Variants in PHACTR3 observed in about 807,000 individuals in gnomAD.
PHACTR3 encodes protein phosphatase 1, regulatory subunit 123.
PHACTR3 carries 16 observed loss-of-function variants against 66.8 expected under a neutral mutation model. The observed-to-expected ratio is 0.24, with a 90% CI of 0.16 to 0.36. The LOEUF (loss-of-function observed/expected upper bound fraction) is 0.36, where lower values mean the gene tolerates loss of function less well. Ranked by LOEUF, PHACTR3 falls within the 10% of genes least tolerant of loss-of-function variation. The pLI, the probability that PHACTR3 is intolerant of heterozygous loss-of-function variation, is 1.00. For synonymous variants in PHACTR3, 323 were observed against 292.1 expected (o/e 1.11, Z -1.08); for missense variants, 647 against 719.9 (o/e 0.90, Z 1.16).
chr20:59,789,518 G>T (rs1037361476), intron 7 of PHACTR3, among the ~76,000 whole-genome samples: 1 of 152,166 alleles, frequency 6.6e-6, no homozygotes, highest in African/African-American at 2.4e-5. Context: ...AGGAGTAAGG[G>T]GCATACCTTA....
At chr20:59,786,438 C>A (rs1227202033) in intron 7 of PHACTR3, among the ~76,000 whole-genome samples, 1 of 152,236 alleles carries the variant, frequency 6.6e-6, no homozygotes, top group Non-Finnish European at 1.5e-5. Flanking sequence ...TGGCCTCCTG[C>A]TCCTCTCTCT....
chr20:59,674,560 TA>T (rs1258097035), intron 1 of PHACTR3, among the ~76,000 whole-genome samples: 10 of 96,416 alleles, frequency 1.0e-4, no homozygotes, highest in South Asian at 4.5e-4. Context: ...CTCCTTCTCC[TA>T]TTCCCCGCTT....
chr20:59,792,909 G>A (rs1450764465), intron 7 of PHACTR3, among the ~76,000 whole-genome samples: 6 of 152,028 alleles, frequency 3.9e-5, no homozygotes, highest in African/African-American at 1.5e-4. Context: ...TTTAGAGACA[G>A]GGTCTCACTC....
At chr20:59,669,039 C>T (rs757275268) in intron 1 of PHACTR3, among the ~76,000 whole-genome samples, 1 of 152,088 alleles carries the variant, frequency 6.6e-6, no homozygotes, top group African/African-American at 2.4e-5. Context: ...TGAACCACTG[C>T]GCCCGGCCCA....
At chr20:59,633,292 A>G (rs1237091066) in intron 1 of PHACTR3, among the ~76,000 whole-genome samples, 1 of 152,230 alleles carries the variant, frequency 6.6e-6, no homozygotes. Flanking sequence ...AAAACGTGGT[A>G]CATATACACC....
chr20:59,758,730 CAG>C (rs1409000889), intron 4 of PHACTR3, among the ~76,000 whole-genome samples: 4 of 152,202 alleles, frequency 2.6e-5, no homozygotes, highest in Non-Finnish European at 4.4e-5. Context: ...TGACTGGAAA[CAG>C]AGGGCAATGT....
At chr20:59,836,418 C>A in intron 8 of PHACTR3, 87 bp from the exon 9 acceptor site, 4 of 1,331,134 alleles carry the variant, frequency 3.0e-6, no homozygotes, top group South Asian at 1.4e-5. Flanking sequence ...TAGGGGTTTG[C>A]CAGCCACCTC....
chr20:59,578,385 C>T (rs567071075), intron 1 of PHACTR3, among the ~76,000 whole-genome samples: 2 of 152,320 alleles, frequency 1.3e-5, no homozygotes, highest in African/African-American at 4.8e-5. Flanking sequence ...AGTGTTTCCG[C>T]ACTGGCCCTT....
intron 10 of PHACTR3, 137 bp from the exon 11 acceptor site, chr20:59,841,258 T>C: frequency 2.6e-6 from 2 of 776,258 alleles, no homozygotes; most frequent in Admixed American, 3.0e-5. Flanking sequence ...AGAGATTGCT[T>C]GTATTTGGGT....
intron 1 of PHACTR3, among the ~76,000 whole-genome samples, chr20:59,642,890 T>C (rs950561175): frequency 4.6e-5 from 7 of 151,968 alleles, no homozygotes; most frequent in Non-Finnish European, 1.0e-4. Flanking sequence ...AAGAATTTAA[T>C]TCTTCTTCTT....
chr20:59,635,014 G>T (rs1405345119), intron 1 of PHACTR3, among the ~76,000 whole-genome samples: 1 of 152,084 alleles, frequency 6.6e-6, no homozygotes, highest in Admixed American at 6.5e-5. Context: ...CGGGTGGAGG[G>T]TGCTGGCTTT....
intron 7 of PHACTR3, among the ~76,000 whole-genome samples, chr20:59,774,758 G>GA (rs1360192671): frequency 9.1e-4 from 133 of 145,362 alleles, no homozygotes; most frequent in Admixed American, 1.7e-3. Context: ...ATGTGTATGT[G>GA]AAAAAAAAAA....
rs546596476 is a variant in PHACTR3, at chr20:59,837,739, G to A, written c.1384+1179G>A. Among the ~76,000 whole-genome samples, 3 of 152,292 alleles carry A rather than the reference G, an allele frequency of 2.0e-5. No individual in the cohort carries two copies. In the South Asian group the frequency reaches 6.2e-4, roughly 32 times the overall value. ...CACTTATTTATAAAGCTTGTAAGTT[G>A]CAGATGCTACTAAAAGTAGCAGTCC... On this transcript the variant is annotated intron_variant, in intron 9 of 12. Coordinates refer to ENST00000371015, the MANE Select transcript of PHACTR3 (RefSeq NM_080672.5).
rs201970954 is a variant in PHACTR3, at chr20:59,747,869, C to T, written c.358+34C>T. 56 of 1,601,628 alleles carry T rather than the reference C, an allele frequency of 3.5e-5. No homozygotes were observed. In the Admixed American group the frequency reaches 4.7e-4, roughly 13 times the overall value. ...GACCCGTCCCTGGCTTGGAAGGGCA[C>T]GGTGCTGGGAATGCAGAATGGAAAG... On this transcript the variant is annotated intron_variant, in intron 3 of 12. Transcript: ENST00000371015.
chr20:59,767,118 T>G lies in PHACTR3; in HGVS notation c.542-68T>G. On this transcript the variant is annotated intron_variant, in intron 4 of 12. Coordinates refer to ENST00000371015, the MANE Select transcript of PHACTR3 (RefSeq NM_080672.5). ...TCCCATCCCACCAAACCCTCTTGCT[T>G]TGCTCTCTTACTTCCACTGCTGTCA... 4 of 1,534,956 alleles carry G rather than the reference T, an allele frequency of 2.6e-6. No individual in the cohort carries two copies. In the Admixed American group the frequency reaches 7.0e-5, roughly 27 times the overall value.
chr20:59,841,968 AAAAAGAGCTACAGTGGGGAC>A (rs2145518923), intron 11 of PHACTR3, among the ~76,000 whole-genome samples: 1 of 152,314 alleles, frequency 6.6e-6, no homozygotes, highest in South Asian at 2.1e-4. Context: ...AAGTTTAAAC[AAAAAGAGCTACAGTGGGGAC>A]AAAGAGGCAT....
At chr20:59,668,569 C>T (rs1052034828) in intron 1 of PHACTR3, among the ~76,000 whole-genome samples, 1 of 152,220 alleles carries the variant, frequency 6.6e-6, no homozygotes, top group Non-Finnish European at 1.5e-5. Context: ...AGATACATCT[C>T]TTTTCTCTAT....
chr20:59,636,967 G>T (rs553179789), intron 1 of PHACTR3, among the ~76,000 whole-genome samples: 1 of 152,184 alleles, frequency 6.6e-6, no homozygotes, highest in African/African-American at 2.4e-5. Flanking sequence ...CCCTCGATGG[G>T]TACAGGCTGT....
chr20:59,778,649 T>G (rs528989209), intron 7 of PHACTR3, among the ~76,000 whole-genome samples: 32 of 152,360 alleles, frequency 2.1e-4, no homozygotes, highest in African/African-American at 7.0e-4. Context: ...TCTGTAGTTC[T>G]TACTGTGCGC....
Sources: allele counts gnomAD v4.1 joint callset (sites outside exome capture counted in the v4.1 genomes callset), GRCh38; gene constraint gnomAD v4.1.1; transcripts MANE v1.5; gene names NCBI Gene and HGNC (gene_info 2026-07-23, HGNC 2026-07-21).